Variants in RCSD1 observed in about 807,000 individuals in gnomAD.
The protein encoded by RCSD1 is RCSD domain containing 1.
In RCSD1, 26 loss-of-function variants were observed where a neutral mutation model predicts 42.5. That is an observed-to-expected ratio of 0.61 (90% CI 0.45 to 0.85). The LOEUF is 0.85. RCSD1 is among the 40% of genes least tolerant of loss of function. The probability of loss-of-function intolerance (pLI) is 0.00; values close to 1 mark genes in which losing one functional copy is unlikely to be tolerated. For missense variants in RCSD1, 571 were observed against 528.3 expected (o/e 1.08, Z -0.79); for synonymous variants, 220 against 212.2 (o/e 1.04, Z -0.32).
intron 1 of RCSD1, among the ~76,000 whole-genome samples, chr1:167,677,762 T>C (rs1027225311): frequency 6.6e-6 from 1 of 152,208 alleles, no homozygotes; most frequent in Admixed American, 6.5e-5. Flanking sequence ...TAGAGTTCTG[T>C]CCTTTGTCCC....
intron 1 of RCSD1, among the ~76,000 whole-genome samples, chr1:167,681,696 C>T (rs954626568): frequency 2.8e-4 from 43 of 152,164 alleles, no homozygotes. Flanking sequence ...AGCACACTGT[C>T]AGCAGGACCC....
intron 4 of RCSD1, 94 bp downstream of exon 4, chr1:167,690,214 A>G: frequency 1.3e-5 from 14 of 1,119,502 alleles, no homozygotes; most frequent in Non-Finnish European, 1.6e-5. Flanking sequence ...GGGGTAGCCT[A>G]TGTGTCACCT....
chr1:167,641,598 A>C (rs762243143), intron 1 of RCSD1: 1 of 152,188 alleles, frequency 6.6e-6, no homozygotes, highest in Non-Finnish European at 1.5e-5. Flanking sequence ...CATGCCTGTA[A>C]TCCCAGATAC....
intron 1 of RCSD1, among the ~76,000 whole-genome samples, chr1:167,670,118 A>G (rs1658766803): frequency 6.6e-6 from 1 of 152,168 alleles, no homozygotes; most frequent in Non-Finnish European, 1.5e-5. Flanking sequence ...AATCCTGGAA[A>G]GGTGGCTCCT....
intron 6 of RCSD1, among the ~76,000 whole-genome samples, chr1:167,702,448 C>A (rs763904862): frequency 2.6e-5 from 4 of 152,172 alleles, no homozygotes; most frequent in Non-Finnish European, 5.9e-5. Context: ...GAAAAGAGGG[C>A]ACAGAATCAG....
chr1:167,631,707 A>G (rs932317400), intron 1 of RCSD1, among the ~76,000 whole-genome samples: 7 of 151,822 alleles, frequency 4.6e-5, no homozygotes, highest in Admixed American at 3.3e-4. Flanking sequence ...CTGGTCTTGA[A>G]CTCCTGGGCT....
At position 167,706,284 on chromosome 1, in the gene RCSD1, T is replaced by C. The variant is rs1181069481; in HGVS notation, c.*1588T>C. On this transcript the variant is annotated 3_prime_UTR_variant, in exon 7 of 7. Coordinates refer to ENST00000367854, the MANE Select transcript of RCSD1 (RefSeq NM_052862.4). The stretch of plus-strand genomic sequence containing the variant: ...GTCAATTATTTTGAGATCTATAAAC[T>C]TGTCTGTCTATCTATCTAGCTGGCT... 6.6e-6 allele frequency: 1 copy of C among 152,242 alleles called. No individual in the cohort carries two copies. The highest frequency in any genetic ancestry group is 1.5e-5 in the Non-Finnish European group (1 of 68,052). The allele number at this position is 152,242 out of a possible 1,614,324, so 9.4% of individuals were successfully genotyped here. A position where few individuals can be genotyped will look rare whatever the true frequency, so the allele number is the denominator to read the frequency against.
In RCSD1 at chr1:167,697,555, A is replaced by C. The variant is rs774155255; in HGVS notation, c.931A>C (p.Met311Leu). ...EEKPAGEEAE[M>L]EKATEVKGER... ...AAAGCCAGCTGGAGAGGAAGCAGAGATGGAAAAGGCTACAGAGGTGAAGGG... is the reference window on the plus strand; with the variant it reads ...AAAGCCAGCTGGAGAGGAAGCAGAGCTGGAAAAGGCTACAGAGGTGAAGGG... Residue 311 changes from methionine to leucine, a missense_variant, in exon 6 of 7, where the codon ATG becomes CTG. By Grantham distance (15) the Met-to-Leu change is conservative. Coordinates refer to ENST00000367854, the MANE Select transcript of RCSD1 (RefSeq NM_052862.4). 3 of 1,606,938 alleles carry C rather than the reference A, an allele frequency of 1.9e-6. No individual in the cohort carries two copies. Among genetic ancestry groups the C allele is most frequent in the Middle Eastern group, 3.3e-4 (2 of 6,050 alleles).
chr1:167,669,077 A>C (rs935992668), intron 1 of RCSD1, among the ~76,000 whole-genome samples: 13 of 152,352 alleles, frequency 8.5e-5, no homozygotes, highest in Non-Finnish European at 1.5e-4. Flanking sequence ...GTACAGTCAA[A>C]GATTAAGTAA....
At position 167,683,944 on chromosome 1, in the gene RCSD1, C is replaced by T; in HGVS notation, c.51C>T (p.Ser17=). 1 of 1,614,206 alleles carries T rather than the reference C, an allele frequency of 6.2e-7. No homozygotes were observed. The highest frequency in any genetic ancestry group is 8.5e-7 in the Non-Finnish European group (1 of 1,180,036). The change falls in exon 2 of 7, where the codon TCC becomes TCT. Residue 17 remains serine (S), a synonymous_variant. Coordinates refer to ENST00000367854, the MANE Select transcript of RCSD1 (RefSeq NM_052862.4). ...ATGCCAATGTGGACAACTCGGCGTC[C>T]CCCTCGGTGGCCCAGCTGGCCGGGC... is the stretch of plus-strand genomic sequence containing the variant. ...ETNANVDNSA[S]PSVAQLAGRF...
Position 167,705,007 on chromosome 1 carries a change from A to G in RCSD1, c.*311A>G. The G allele has an allele frequency of 3.7e-6, 1 of 271,288 alleles. No individual in the cohort carries two copies. The highest frequency in any genetic ancestry group is 7.1e-6 in the Non-Finnish European group (1 of 140,342). The allele number at this position is 271,288 out of a possible 1,614,324, so 16.8% of individuals were successfully genotyped here. ...GTGATGAGTCCCAGGGGCACTGGTC[A>G]GCCTGTGGAGCCCTGGATGCTATCC... On this transcript the variant is annotated 3_prime_UTR_variant, in exon 7 of 7. Coordinates refer to ENST00000367854, the MANE Select transcript of RCSD1 (RefSeq NM_052862.4).
At chr1:167,697,032 C>A in intron 5 of RCSD1, 67 bp from the exon 6 acceptor site, 1 of 1,451,326 alleles carries the variant, frequency 6.9e-7, no homozygotes. Context: ...ATTGAAAGTG[C>A]ATACAGTCCT....
intron 1 of RCSD1, among the ~76,000 whole-genome samples, chr1:167,654,307 T>C (rs189948999): frequency 7.2e-5 from 11 of 152,246 alleles, no homozygotes; most frequent in African/African-American, 1.7e-4. Context: ...TGGTCTTGGG[T>C]GGCTGCACCA....
At chr1:167,679,787 A>G (rs1659035082) in intron 1 of RCSD1, among the ~76,000 whole-genome samples, 1 of 152,134 alleles carries the variant, frequency 6.6e-6, no homozygotes, top group South Asian at 2.1e-4. Context: ...GAGACCTTGG[A>G]TGAGCGCAGA....
At chr1:167,670,235 G>A (rs544403102) in intron 1 of RCSD1, among the ~76,000 whole-genome samples, 1 of 151,818 alleles carries the variant, frequency 6.6e-6, no homozygotes, top group Non-Finnish European at 1.5e-5. Flanking sequence ...GGGAGATTCT[G>A]AACTTACCTT....
intron 1 of RCSD1, among the ~76,000 whole-genome samples, chr1:167,649,201 G>T (rs1658242786): frequency 1.3e-5 from 2 of 152,154 alleles, no homozygotes; most frequent in Admixed American, 6.5e-5. Flanking sequence ...GAAGGGTGAG[G>T]AGGAGGGTGT....
At chr1:167,679,663 T>A (rs892952231) in intron 1 of RCSD1, among the ~76,000 whole-genome samples, 1 of 152,242 alleles carries the variant, frequency 6.6e-6, no homozygotes, top group Middle Eastern at 3.2e-3. Context: ...AAGAGCATAG[T>A]TCTTCCAGCC....
chr1:167,642,636 T>C (rs1571671326), intron 1 of RCSD1, among the ~76,000 whole-genome samples: 2 of 152,340 alleles, frequency 1.3e-5, no homozygotes, highest in Middle Eastern at 3.4e-3. Flanking sequence ...CACCAGGAGT[T>C]GCAACTTATA....
At chr1:167,702,614 AC>A (rs1354463187) in intron 6 of RCSD1, among the ~76,000 whole-genome samples, 1 of 152,138 alleles carries the variant, frequency 6.6e-6, no homozygotes, top group Non-Finnish European at 1.5e-5. Context: ...CCCTGTCTCT[AC>A]TAAAAATACA....
Sources: allele counts gnomAD v4.1 joint callset (sites outside exome capture counted in the v4.1 genomes callset), GRCh38; gene constraint gnomAD v4.1.1; transcripts MANE v1.5; gene names NCBI Gene and HGNC (gene_info 2026-07-23, HGNC 2026-07-21).